PRKAG2: variants seen among roughly 807,000 people sequenced by gnomAD.
PRKAG2 encodes the protein 5'-AMP-activated protein kinase subunit gamma-2.
A neutral mutation model predicts 69.6 loss-of-function variants in PRKAG2; 26 were observed. The ratio of observed to expected loss-of-function variants is 0.37; its 90% CI spans 0.27 to 0.52. The LOEUF (loss-of-function observed/expected upper bound fraction) is 0.52, where lower values mean the gene tolerates loss of function less well. Ranked by LOEUF, PRKAG2 falls within the 20% of genes least tolerant of loss-of-function variation. The pLI, the probability that PRKAG2 is intolerant of heterozygous loss-of-function variation, is 0.90. For synonymous variants in PRKAG2, 293 were observed against 285.0 expected (o/e 1.03, Z -0.28); for missense variants, 557 against 740.0 (o/e 0.75, Z 2.87).
intron 3 of PRKAG2, among the ~76,000 whole-genome samples, chr7:151,723,268 A>C (rs1797410185): frequency 6.6e-6 from 1 of 152,152 alleles, no homozygotes; most frequent in Non-Finnish European, 1.5e-5. Context: ...TTGGTAGTGC[A>C]GTGGAGTCCT....
intron 5 of PRKAG2, among the ~76,000 whole-genome samples, chr7:151,615,233 T>C (rs1371159234): frequency 2.0e-5 from 3 of 152,234 alleles, no homozygotes; most frequent in African/African-American, 7.2e-5. Flanking sequence ...CTATATAGTA[T>C]TCCATGGTGT....
chr7:151,842,614 GGTAGTGA>G (rs2079333777), intron 1 of PRKAG2, among the ~76,000 whole-genome samples: 15 of 133,262 alleles, frequency 1.1e-4, no homozygotes, highest in Admixed American at 2.3e-4. Context: ...AGTGATGGTA[GGTAGTGA>G]TGATGGTAGC....
chr7:151,714,434 CCCAT>C (rs1477358865), intron 3 of PRKAG2, among the ~76,000 whole-genome samples: 64 of 69,976 alleles, frequency 9.1e-4, no homozygotes, highest in African/African-American at 3.7e-3. Context: ...GAGCCGTCCT[CCCAT>C]CCGCGACCCG....
intron 4 of PRKAG2, among the ~76,000 whole-genome samples, chr7:151,655,270 G>A (rs921844098): frequency 2.6e-5 from 4 of 152,248 alleles, no homozygotes; most frequent in Non-Finnish European, 4.4e-5. Context: ...TACTCTGTGC[G>A]GCATTGCTTT....
intron 15 of PRKAG2, chr7:151,558,956 C>A: frequency 1.0e-6 from 1 of 985,436 alleles, no homozygotes; most frequent in Non-Finnish European, 1.2e-6. Context: ...CCCAAAGAGA[C>A]AGACAAGAGC....
rs145476961 is a variant in PRKAG2 at position 151,764,678 on chromosome 7, C to T, written c.466+16474G>A. 5.6e-3 allele frequency among the ~76,000 whole-genome samples: 847 copies of T among 152,368 alleles called. 8 individuals carry two copies. The highest frequency in any genetic ancestry group is 0.031 in the South Asian group (148 of 4,830). On this transcript the variant is annotated intron_variant, in intron 3 of 15. Transcript: ENST00000287878. ...GACCTCATGACCTATTCACACTGTC[C>T]TGCCTCCCACCCAACCATGCTCCCA...
rs554062285 is a variant in PRKAG2, at chr7:151,842,632, G to A, written c.114+33875C>T. On this transcript the variant is annotated intron_variant, in intron 1 of 15. Coordinates refer to ENST00000287878, the MANE Select transcript of PRKAG2 (RefSeq NM_016203.4). Reference sequence around the variant, plus strand: ...GATGGTAGGTAGTGATGATGGTAGCGATGGTAGGGATGGTAGTGATAGTAG... The same window carrying A: ...GATGGTAGGTAGTGATGATGGTAGCAATGGTAGGGATGGTAGTGATAGTAG... 4.9e-3 allele frequency among the ~76,000 whole-genome samples: 470 copies of A among 96,588 alleles called. 11 individuals carry two copies. The highest frequency in any genetic ancestry group is 0.02 in the African/African-American group (447 of 22,610). The allele number at this position is 96,588 out of a possible 152,430, so 63.4% of individuals were successfully genotyped here.
chr7:151,754,270 GCGCTGTCC>G (rs564278457), intron 3 of PRKAG2, among the ~76,000 whole-genome samples: 30 of 152,368 alleles, frequency 2.0e-4, no homozygotes, highest in African/African-American at 7.2e-4. Flanking sequence ...GCGCCAGAGG[GCGCTGTCC>G]CCAGGGACCA....
At chr7:151,649,585 A>G (rs1291312149) in intron 4 of PRKAG2, among the ~76,000 whole-genome samples, 1 of 152,078 alleles carries the variant, frequency 6.6e-6, no homozygotes, top group Non-Finnish European at 1.5e-5. Context: ...GTAGGAGGTG[A>G]TTGGATCATG....
chr7:151,643,157 A>G (rs1172076705), intron 4 of PRKAG2, among the ~76,000 whole-genome samples: 2 of 152,244 alleles, frequency 1.3e-5, no homozygotes, highest in Non-Finnish European at 2.9e-5. Flanking sequence ...TGTGTTTAAC[A>G]TGAGTTATTG....
At chr7:151,823,373 G>T (rs372528775) in intron 1 of PRKAG2, among the ~76,000 whole-genome samples, 1 of 151,534 alleles carries the variant, frequency 6.6e-6, no homozygotes, top group African/African-American at 2.4e-5. Context: ...GCTTGCACCC[G>T]CAAAAAAGAC....
At chr7:151,557,373 G>C in intron 15 of PRKAG2, 141 bp from the exon 16 acceptor site, 6 of 1,595,312 alleles carry the variant, frequency 3.8e-6, no homozygotes, top group Admixed American at 1.7e-5. Context: ...GGAAGGAGCA[G>C]GTGGCCCAAG....
At chr7:151,637,935 C>T (rs979021753) in intron 4 of PRKAG2, among the ~76,000 whole-genome samples, 41 of 151,972 alleles carry the variant, frequency 2.7e-4, no homozygotes, top group African/African-American at 9.7e-4. Flanking sequence ...CAGGGAAAGC[C>T]GGGAGAAGAG....
intron 3 of PRKAG2, among the ~76,000 whole-genome samples, chr7:151,744,990 T>G (rs2074178753): frequency 6.6e-6 from 1 of 152,096 alleles, no homozygotes; most frequent in South Asian, 2.1e-4. Context: ...AGTTCAGAGG[T>G]GCTCAGTGAT....
At chr7:151,617,786 G>A (rs1414267432) in intron 5 of PRKAG2, among the ~76,000 whole-genome samples, 12 of 151,718 alleles carry the variant, frequency 7.9e-5, no homozygotes, top group Admixed American at 5.2e-4. Context: ...TCCCCAAACC[G>A]AAAAAAACCC....
intron 1 of PRKAG2, among the ~76,000 whole-genome samples, chr7:151,795,065 G>A (rs900406157): frequency 6.6e-6 from 1 of 152,240 alleles, no homozygotes; most frequent in Non-Finnish European, 1.5e-5. Context: ...CCCCAGGGCA[G>A]CCTCTTACAG....
chr7:151,714,056 T>C (rs1374525666), intron 3 of PRKAG2, among the ~76,000 whole-genome samples: 1 of 152,134 alleles, frequency 6.6e-6, no homozygotes, highest in African/African-American at 2.4e-5. Flanking sequence ...GGGGGGTCAC[T>C]GGTAGCGGTT....
intron 1 of PRKAG2, among the ~76,000 whole-genome samples, chr7:151,795,868 T>TAC: frequency 9.4e-6 from 1 of 106,382 alleles, no homozygotes; most frequent in African/African-American, 4.7e-5. Context: ...TATATATATA[T>TAC]ATATATATAT....
In PRKAG2 at chr7:151,642,011, T is replaced by C. The variant is rs545829720; in HGVS notation, c.685-9873A>G. ...GAGTTTGAGACCAGCCTGGGCAACA[T>C]AGGGAGACCCCATCTTTAAAAAAAA... On this transcript the variant is annotated intron_variant, in intron 4 of 15. Coordinates refer to ENST00000287878, the MANE Select transcript of PRKAG2 (RefSeq NM_016203.4). Among the ~76,000 whole-genome samples the C allele has an allele frequency of 5.5e-3, 604 of 110,296 alleles. 2 individuals carry two copies. The highest frequency in any genetic ancestry group is 8.8e-3 in the Non-Finnish European group (496 of 56,102). 72.4% of individuals were successfully genotyped at this position (110,296 alleles called of 152,430 possible).
Sources: gnomAD v4.1 joint callset for allele counts (sites outside exome capture counted in the v4.1 genomes callset) on GRCh38, gnomAD v4.1.1 for gene constraint, MANE v1.5 for transcripts, NCBI Gene and HGNC (gene_info 2026-07-23, HGNC 2026-07-21) for gene names.